The following DHRS12 variants were observed in gnomAD, a reference collection of about 807,000 sequenced individuals.
DHRS12 encodes the protein dehydrogenase/reductase SDR family member 12.
In DHRS12, 29 loss-of-function variants were observed where a neutral mutation model predicts 32.1. The ratio of observed to expected loss-of-function variants is 0.90; its 90% CI spans 0.67 to 1.23. The LOEUF (loss-of-function observed/expected upper bound fraction) is 1.23, where lower values mean the gene tolerates loss of function less well. Among genes scored for constraint, DHRS12 ranks in the 50% most tolerant of loss-of-function variants. The probability of loss-of-function intolerance (pLI) is 0.00; values close to 1 mark genes in which losing one functional copy is unlikely to be tolerated. For missense variants in DHRS12, 330 were observed against 337.2 expected (o/e 0.98, Z 0.17); for synonymous variants, 150 against 135.9 (o/e 1.10, Z -0.72).
the DHRS12 span, chr13:51,761,448 C>T: frequency 2.0e-5 from 3 of 152,170 alleles, no homozygotes; most frequent in East Asian, 1.9e-4. Flanking sequence ...CCTCACGTGT[C>T]GGGAGCATCA....
At chr13:51,774,096 C>A (rs1954187417) in intron 5 of DHRS12, 62 bp from the exon 6 acceptor site, 1 of 1,485,634 alleles carries the variant, frequency 6.7e-7, no homozygotes, top group Non-Finnish European at 9.3e-7. Context: ...CTCTTCACCC[C>A]CTGTAGAGCA....
intron 6 of DHRS12, chr13:51,772,717 C>T (rs1954088349): frequency 1.0e-6 from 1 of 985,386 alleles, no homozygotes; most frequent in Admixed American, 6.1e-5. Context: ...ACTATTGCCC[C>T]ATCCCAGGGT....
chr13:51,764,909 A>T (rs1177538862), downstream of DHRS12: 2 of 152,038 alleles, frequency 1.3e-5, no homozygotes, highest in African/African-American at 4.8e-5. Flanking sequence ...GCCCTGTGGC[A>T]GGAGAGGATT....
the DHRS12 span, chr13:51,755,574 C>A: frequency 2.2e-6 from 2 of 915,188 alleles, no homozygotes; most frequent in Non-Finnish European, 3.4e-6. Flanking sequence ...AATTATTATC[C>A]TGGAGTCACC....
the DHRS12 span, chr13:51,756,298 C>T: frequency 8.7e-5 from 138 of 1,594,656 alleles, no homozygotes; most frequent in Non-Finnish European, 1.1e-4. Flanking sequence ...CTGAGGGAGC[C>T]GTGATGAGTA....
At chr13:51,796,458 T>G (rs1164143050) in intron 2 of DHRS12, among the ~76,000 whole-genome samples, 1 of 152,034 alleles carries the variant, frequency 6.6e-6, no homozygotes, top group African/African-American at 2.4e-5. Flanking sequence ...TGTATGGAGG[T>G]GAGGGGGGCA....
chr13:51,773,043 G>A (rs764578144), intron 6 of DHRS12: 9 of 985,460 alleles, frequency 9.1e-6, no homozygotes, highest in Non-Finnish European at 1.1e-5. Flanking sequence ...CCTAGCGGGT[G>A]AATTTAAGGG....
intron 4 of DHRS12, 175 bp from the exon 5 acceptor site, chr13:51,777,296 C>A: frequency 1.6e-6 from 1 of 636,180 alleles, no homozygotes; most frequent in Non-Finnish European, 2.8e-6. Context: ...TTCCTTTTCC[C>A]AGGACTGGAA....
At chr13:51,765,082 A>T (rs1953707380), downstream of DHRS12, 1 of 151,884 alleles carries the variant, frequency 6.6e-6, no homozygotes, top group African/African-American at 2.4e-5. Flanking sequence ...GAAGGCAGAG[A>T]GTTTCGTCAA....
At chr13:51,760,025 CATTGTTTTGAGTGTACCGAAAA>C in the DHRS12 span, 17 of 398,590 alleles carry the variant, frequency 4.3e-5, no homozygotes, top group Non-Finnish European at 7.2e-5. Flanking sequence ...GGCTGTGCTG[CATTGTTTTGAGTGTACCGAAAA>C]ATCTGTGTGG....
chr13:51,771,501 G>C lies in DHRS12; in HGVS notation c.559+320C>G, dbSNP rs2296028. ...CAGCTCCTGCTCATTCCTGTCTGACGTGGAAATGACAATGGTCACCGGCTC... is the reference window on the plus strand; with the variant it reads ...CAGCTCCTGCTCATTCCTGTCTGACCTGGAAATGACAATGGTCACCGGCTC... On this transcript the variant is annotated intron_variant, in intron 7 of 8. Transcript: ENST00000444610. 262,770 of 1,613,730 alleles carry C rather than the reference G, an allele frequency of 0.16. 22,780 individuals are homozygous for C. Among genetic ancestry groups the C allele is most frequent in the South Asian group, 0.2 (18,188 of 91,054 alleles).
chr13:51,792,787 G>A (rs1267806556), intron 2 of DHRS12, among the ~76,000 whole-genome samples: 3 of 152,154 alleles, frequency 2.0e-5, no homozygotes, highest in African/African-American at 7.2e-5. Flanking sequence ...TTACGTCGTT[G>A]TTTGTTTGTT....
intron 4 of DHRS12, chr13:51,789,448 T>C (rs1955157338): frequency 2.7e-6 from 2 of 749,096 alleles, no homozygotes; most frequent in South Asian, 1.2e-4. Context: ...AGTTTCAGAT[T>C]CTGTAGATCT....
chr13:51,772,611 C>G, intron 6 of DHRS12: 1 of 985,230 alleles, frequency 1.0e-6, no homozygotes, highest in South Asian at 4.7e-5. Flanking sequence ...TAACTCCTTC[C>G]TTAGGCAGAG....
At chr13:51,780,514 T>C (rs1420702054) in intron 4 of DHRS12, among the ~76,000 whole-genome samples, 2 of 152,336 alleles carry the variant, frequency 1.3e-5, no homozygotes, top group East Asian at 3.9e-4. Flanking sequence ...TATGACTCAT[T>C]AGTATTTTAA....
intron 2 of DHRS12, among the ~76,000 whole-genome samples, chr13:51,792,941 G>GTCAAAA (rs1955345708): frequency 7.0e-6 from 1 of 141,954 alleles, no homozygotes. Context: ...TTTTTTTTTT[G>GTCAAAA]GTCAAAAGTT....
At chr13:51,798,938 G>GT (rs1955630241) in intron 2 of DHRS12, among the ~76,000 whole-genome samples, 1 of 152,210 alleles carries the variant, frequency 6.6e-6, no homozygotes, top group Admixed American at 6.5e-5. Flanking sequence ...TCTGCTGACT[G>GT]AAGACTTTAC....
chr13:51,801,529 T>C (rs550305797), intron 1 of DHRS12, among the ~76,000 whole-genome samples: 3 of 152,284 alleles, frequency 2.0e-5, no homozygotes, highest in Admixed American at 6.5e-5. Context: ...GTACCGTCCA[T>C]GTTCACACTT....
At chr13:51,768,524 A>G in intron 8 of DHRS12, 3 of 1,397,046 alleles carry the variant, frequency 2.1e-6, no homozygotes. Flanking sequence ...TGGACGGGAG[A>G]CCACGTTTGG....
Sources: allele counts gnomAD v4.1 joint callset (sites outside exome capture counted in the v4.1 genomes callset), GRCh38; gene constraint gnomAD v4.1.1; transcripts MANE v1.5; gene names NCBI Gene and HGNC (gene_info 2026-07-23, HGNC 2026-07-21).